Variants in FGF14 observed in about 807,000 individuals in gnomAD.
FGF14 encodes the protein fibroblast growth factor homologous factor 4.
FGF14 carries 5 observed loss-of-function variants against 25.5 expected under a neutral mutation model. The observed-to-expected ratio is 0.20, with a 90% CI of 0.10 to 0.41. FGF14 has a LOEUF of 0.41. Ranked by LOEUF, FGF14 falls within the 10% of genes least tolerant of loss-of-function variation. The pLI is 1.00. For synonymous variants in FGF14, 138 were observed against 118.3 expected (o/e 1.17, Z -1.08); for missense variants, 222 against 320.1 (o/e 0.69, Z 2.34).
At chr13:101,807,963 A>T (rs1265119300) in intron 3 of FGF14, among the ~76,000 whole-genome samples, 2 of 152,056 alleles carry the variant, frequency 1.3e-5, no homozygotes, top group African/African-American at 4.8e-5. Flanking sequence ...AGACACCAGA[A>T]ATTATTTGTG....
At chr13:101,788,965 G>GAGAT (rs1555382948) in intron 3 of FGF14, among the ~76,000 whole-genome samples, 3 of 80,604 alleles carry the variant, frequency 3.7e-5, no homozygotes, top group Non-Finnish European at 5.6e-5. Context: ...GAGAGAGAGA[G>GAGAT]AGAGACAGAG....
chr13:102,239,244 G>T (rs776954646), intron 1 of FGF14, among the ~76,000 whole-genome samples: 12 of 152,036 alleles, frequency 7.9e-5, no homozygotes. Context: ...GGCCAAACTG[G>T]TTTTTTTGGG....
chr13:101,893,778 C>T (rs561135746), intron 1 of FGF14, among the ~76,000 whole-genome samples: 7 of 152,144 alleles, frequency 4.6e-5, no homozygotes, highest in African/African-American at 1.4e-4. Flanking sequence ...TTTAGCCTGG[C>T]GAGATCCACG....
At chr13:101,774,969 CA>C (rs1213093814) in intron 3 of FGF14, among the ~76,000 whole-genome samples, 1,775 of 54,390 alleles carry the variant, frequency 0.033, 25 homozygotes, top group African/African-American at 0.078. Context: ...AACTCCATCT[CA>C]AAAAAAAAAA....
intron 1 of FGF14, among the ~76,000 whole-genome samples, chr13:102,347,753 C>T (rs2057154510): frequency 6.6e-6 from 1 of 152,092 alleles, no homozygotes; most frequent in Non-Finnish European, 1.5e-5. Flanking sequence ...GGCCTCGGAA[C>T]ACTAGGTGAT....
chr13:101,790,046 A>G (rs1211365973), intron 3 of FGF14, among the ~76,000 whole-genome samples: 1 of 151,606 alleles, frequency 6.6e-6, no homozygotes, highest in African/African-American at 2.4e-5. Flanking sequence ...TTCAGATTCT[A>G]CCTCTGGGTC....
At chr13:102,253,048 T>C (rs1165619941) in intron 1 of FGF14, among the ~76,000 whole-genome samples, 1 of 152,266 alleles carries the variant, frequency 6.6e-6, no homozygotes, top group African/African-American at 2.4e-5. Context: ...ATGTGCCACA[T>C]ATTCTTTATC....
At chr13:102,119,168 A>G (rs117029847) in intron 1 of FGF14, among the ~76,000 whole-genome samples, 4,814 of 152,320 alleles carry the variant, frequency 0.032, 94 homozygotes, top group Non-Finnish European at 0.039. Flanking sequence ...ATCCTTGCCA[A>G]AATGAGTAAG....
intron 1 of FGF14, among the ~76,000 whole-genome samples, chr13:102,365,135 T>C (rs573411841): frequency 1.3e-5 from 2 of 152,308 alleles, no homozygotes; most frequent in South Asian, 4.1e-4. Context: ...TTTGGTCCCT[T>C]GAGCCAGGCA....
chr13:102,258,762 T>C (rs903073263), intron 1 of FGF14, among the ~76,000 whole-genome samples: 4 of 152,152 alleles, frequency 2.6e-5, no homozygotes, highest in Admixed American at 2.6e-4. Context: ...CTTGGTTTCA[T>C]TAAGTGAATG....
intron 1 of FGF14, among the ~76,000 whole-genome samples, chr13:102,122,352 C>A (rs676095): frequency 0.6 from 91,898 of 151,968 alleles, 29,950 homozygotes; most frequent in East Asian, 0.9. Flanking sequence ...CACATCTCAT[C>A]CCTCCACTCC....
intron 1 of FGF14, among the ~76,000 whole-genome samples, chr13:101,927,358 C>A (rs1302495508): frequency 6.6e-6 from 1 of 152,204 alleles, no homozygotes; most frequent in Non-Finnish European, 1.5e-5. Flanking sequence ...CCCCAAGACA[C>A]CTAATCGATG....
chr13:102,246,031 T>C (rs1428303027), intron 1 of FGF14, among the ~76,000 whole-genome samples: 1 of 152,036 alleles, frequency 6.6e-6, no homozygotes, highest in Non-Finnish European at 1.5e-5. Context: ...CCTTTCTTTC[T>C]AAAACAGATT....
At chr13:102,059,689 A>G (rs550826903) in intron 1 of FGF14, among the ~76,000 whole-genome samples, 2 of 152,224 alleles carry the variant, frequency 1.3e-5, no homozygotes, top group South Asian at 2.1e-4. Context: ...CGTCTCTACT[A>G]AAAATGCAAA....
At chr13:102,035,947 GAA>G (rs1432275651) in intron 1 of FGF14, among the ~76,000 whole-genome samples, 2 of 152,140 alleles carry the variant, frequency 1.3e-5, no homozygotes, top group Non-Finnish European at 2.9e-5. Context: ...CTGGGGAAAG[GAA>G]GATCAATGTA....
At chr13:102,389,018 T>C (rs2058371266) in intron 1 of FGF14, among the ~76,000 whole-genome samples, 1 of 152,144 alleles carries the variant, frequency 6.6e-6, no homozygotes, top group Non-Finnish European at 1.5e-5. Context: ...TTCACATTAC[T>C]CCTCTTGCCA....
intron 1 of FGF14, among the ~76,000 whole-genome samples, chr13:102,133,377 G>A (rs1267524994): frequency 5.9e-5 from 9 of 152,152 alleles, no homozygotes; most frequent in Admixed American, 6.5e-5. Context: ...TCAGACTTAC[G>A]AATGTCTTAT....
chr13:102,375,926 A>C (rs2139139649), intron 1 of FGF14, among the ~76,000 whole-genome samples: 1 of 152,208 alleles, frequency 6.6e-6, no homozygotes, highest in East Asian at 1.9e-4. Context: ...ACCTAATTGA[A>C]ATGAAAAAAC....
intron 1 of FGF14, among the ~76,000 whole-genome samples, chr13:102,270,173 A>G (rs1406016593): frequency 6.6e-6 from 1 of 151,372 alleles, no homozygotes; most frequent in African/African-American, 2.4e-5. Flanking sequence ...ACATTCAGGG[A>G]AAAAAAAATA....
Sources: gnomAD v4.1 joint callset for allele counts (sites outside exome capture counted in the v4.1 genomes callset) on GRCh38, gnomAD v4.1.1 for gene constraint, MANE v1.5 for transcripts, NCBI Gene and HGNC (gene_info 2026-07-23, HGNC 2026-07-21) for gene names.